The following HTRA1 variants were observed in gnomAD, a reference collection of about 807,000 sequenced individuals.
HTRA1 encodes the protein serine protease HTRA1.
A neutral mutation model predicts 49.7 loss-of-function variants in HTRA1; 26 were observed. That is an observed-to-expected ratio of 0.52 (90% CI 0.38 to 0.73). The LOEUF is 0.73. Ranked by LOEUF, HTRA1 falls within the 30% of genes least tolerant of loss-of-function variation. The pLI, the probability that HTRA1 is intolerant of heterozygous loss-of-function variation, is 0.00. For missense variants in HTRA1, 561 were observed against 667.2 expected (o/e 0.84, Z 1.75); for synonymous variants, 291 against 286.9 (o/e 1.01, Z -0.14).
chr10:122,496,403 C>T (rs896162080), intron 3 of HTRA1, among the ~76,000 whole-genome samples: 4 of 151,634 alleles, frequency 2.6e-5, no homozygotes, highest in African/African-American at 4.9e-5. Context: ...ATGGATCTTT[C>T]GAGGTCTAGT....
At chr10:122,471,521 C>T (rs1032509122) in intron 1 of HTRA1, among the ~76,000 whole-genome samples, 10 of 152,250 alleles carry the variant, frequency 6.6e-5, no homozygotes, top group African/African-American at 1.9e-4. Context: ...ATGAAGGACA[C>T]CACTTTACCT....
At chr10:122,466,361 G>C (rs942704355) in intron 1 of HTRA1, among the ~76,000 whole-genome samples, 3 of 152,100 alleles carry the variant, frequency 2.0e-5, no homozygotes, top group African/African-American at 4.8e-5. Context: ...TAGAGACGGG[G>C]TTTCACCGTG....
chr10:122,502,496 G>A (rs1305416876), intron 3 of HTRA1, among the ~76,000 whole-genome samples: 1 of 152,192 alleles, frequency 6.6e-6, no homozygotes, highest in Middle Eastern at 3.2e-3. Flanking sequence ...CACCCTCACT[G>A]GATCTGTTTC....
intron 5 of HTRA1, among the ~76,000 whole-genome samples, chr10:122,508,345 C>G (rs1029645861): frequency 1.3e-5 from 2 of 152,172 alleles, no homozygotes; most frequent in East Asian, 1.9e-4. Flanking sequence ...GGAGTTTGAG[C>G]CTTTGGAAAC....
In HTRA1 at chr10:122,490,824, C is replaced by T. The variant is rs556471502; in HGVS notation, c.777+1198C>T. Among the ~76,000 whole-genome samples, 1 of 152,316 alleles carries T rather than the reference C, an allele frequency of 6.6e-6. No homozygotes were observed. The highest frequency in any genetic ancestry group is 2.1e-4 in the South Asian group (1 of 4,826). ...TAGGATTCCGGGTCTCCTTCTCCGT[C>T]TTTTTATAACATCAAGTTGCTGCCC... is the stretch of plus-strand genomic sequence containing the variant. On this transcript the variant is annotated intron_variant, in intron 3 of 8. Coordinates refer to ENST00000368984, the MANE Select transcript of HTRA1 (RefSeq NM_002775.5). This position sits in a 1 kb window ranked among gnomAD's most constrained non-coding sequence, Gnocchi z 4.2.
rs1002606608 is a variant in HTRA1 at position 122,506,283 on chromosome 10, G to T, written c.778-408G>T. 2.0e-5 allele frequency among the ~76,000 whole-genome samples: 3 copies of T among 152,292 alleles called. No individual in the cohort carries two copies. The highest frequency in any genetic ancestry group is 6.5e-5 in the Admixed American group (1 of 15,298). On this transcript the variant is annotated intron_variant, in intron 3 of 8. Coordinates refer to ENST00000368984, the MANE Select transcript of HTRA1 (RefSeq NM_002775.5). The surrounding 1 kb of genome is among the most constrained non-coding windows in gnomAD (Gnocchi z 5.2). Reference sequence around the variant, plus strand: ...CTGTAGCTTGGGATCCTTCCCTGGGGCTTGGTTCTCTAGGGCCATCCCCAG... The same window carrying T: ...CTGTAGCTTGGGATCCTTCCCTGGGTCTTGGTTCTCTAGGGCCATCCCCAG...
intron 3 of HTRA1, among the ~76,000 whole-genome samples, chr10:122,505,059 C>T (rs1021534130): frequency 6.6e-6 from 1 of 152,248 alleles, no homozygotes; most frequent in Non-Finnish European, 1.5e-5. Context: ...CTAGATGGTG[C>T]TTACAGGAGC....
intron 1 of HTRA1, among the ~76,000 whole-genome samples, chr10:122,462,747 C>G (rs1033898094): frequency 3.9e-5 from 6 of 152,230 alleles, no homozygotes; most frequent in Non-Finnish European, 8.8e-5. Context: ...TTGCTTTCCT[C>G]GTTTTGAGCC....
intron 3 of HTRA1, among the ~76,000 whole-genome samples, chr10:122,492,419 C>T (rs2097496296): frequency 6.6e-6 from 1 of 152,184 alleles, no homozygotes; most frequent in Non-Finnish European, 1.5e-5. Context: ...CTGCAACCTC[C>T]ACCTCCAGGA....
rs145671034 is a variant in HTRA1 at position 122,471,395 on chromosome 10, A to G, written c.472+9271A>G. Among the ~76,000 whole-genome samples, 154 of 152,260 alleles carry G rather than the reference A, an allele frequency of 1.0e-3. 1 individual carries two copies. Among genetic ancestry groups the G allele is most frequent in the Admixed American group, 2.9e-3 (45 of 15,296 alleles). ...GTCATTTACAGTCTGTTCCCATGGA[A>G]TTCTCATCATTGGCCAAACATATAG... On this transcript the variant is annotated intron_variant, in intron 1 of 8. Transcript: ENST00000368984.
Position 122,506,828 on chromosome 10 carries a change from A to G in HTRA1, c.915A>G (p.Lys305=). ...TGAGCACCACCCAGCGAGGCGGCAA[A>G]GAGCTGGGGCTCCGCAACTCAGACA... ...GIVSTTQRGG[K]ELGLRNSDMD... Residue 305 remains lysine, a synonymous_variant, in exon 4 of 9, where the codon AAA becomes AAG. Coordinates refer to ENST00000368984, the MANE Select transcript of HTRA1 (RefSeq NM_002775.5). The surrounding 1 kb of genome is among the most constrained non-coding windows in gnomAD (Gnocchi z 5.2). The G allele has an allele frequency of 6.2e-7, 1 of 1,613,832 alleles. No individual in the cohort carries two copies. Among genetic ancestry groups the G allele is most frequent in the Non-Finnish European group, 8.5e-7 (1 of 1,179,996 alleles).
chr10:122,462,746 T>C (rs969080746), intron 1 of HTRA1, among the ~76,000 whole-genome samples: 1 of 152,252 alleles, frequency 6.6e-6, no homozygotes, highest in South Asian at 2.1e-4. Flanking sequence ...CTTGCTTTCC[T>C]CGTTTTGAGC....
intron 6 of HTRA1, among the ~76,000 whole-genome samples, chr10:122,509,485 C>G (rs2133451404): frequency 6.6e-6 from 1 of 152,296 alleles, no homozygotes; most frequent in South Asian, 2.1e-4. Flanking sequence ...TGAGTGAGCA[C>G]AAGGCCCCTG....
In HTRA1 at chr10:122,489,407, T is replaced by C; in HGVS notation, c.573-15T>C. The C allele has an allele frequency of 2.5e-6, 4 of 1,613,196 alleles. No individual in the cohort carries two copies. In the East Asian group the frequency reaches 8.9e-5, roughly 36 times the overall value. On this transcript the variant is annotated splice_polypyrimidine_tract_variant and intron_variant, in intron 2 of 8. Coordinates refer to ENST00000368984, the MANE Select transcript of HTRA1 (RefSeq NM_002775.5). ...AGGTGCTACAGGCTTAAGTGTGTAC[T>C]CCTTTGGATTTTAGGCTTCCGTTTT...
chr10:122,512,353 G>A (rs1218735770), intron 8 of HTRA1, among the ~76,000 whole-genome samples: 1 of 152,176 alleles, frequency 6.6e-6, no homozygotes, highest in Non-Finnish European at 1.5e-5. Context: ...AGATGGCCCG[G>A]CTGGCCAGAG....
At chr10:122,468,471 G>A (rs111944833) in intron 1 of HTRA1, among the ~76,000 whole-genome samples, 1 of 151,254 alleles carries the variant, frequency 6.6e-6, no homozygotes, top group Admixed American at 6.6e-5. Flanking sequence ...GGAGTCAGCT[G>A]TGTGGGAGGA....
rs141442276 is a variant in HTRA1, at chr10:122,511,993, G to A, written c.1202G>A (p.Arg401Gln). The A allele has an allele frequency of 4.7e-5, 76 of 1,613,896 alleles. No individual in the cohort carries two copies. The highest frequency in any genetic ancestry group is 5.8e-5 in the Non-Finnish European group (68 of 1,179,916). The change falls in exon 8 of 9, where the codon CGG (arginine) becomes CAG (glutamine). Residue 401 changes from arginine to glutamine, a missense_variant. Physicochemically the swap from Arg to Gln is conservative, Grantham distance 43. Around this residue, in one of 3 missense-constraint regions of HTRA1, gnomAD observed 179 missense variants for 173.4 expected, o/e 1.03. Transcript: ENST00000368984. ...AGCAAAGCCAAAGAGCTGAAGGACC[G>A]GCACCGGGACTTCCCAGACGTGATC... Reference protein sequence around the residue: ...TSSKAKELKDRHRDFPDVISG... With the variant: ...TSSKAKELKDQHRDFPDVISG...
chr10:122,485,967 G>T (rs2268345), intron 1 of HTRA1, among the ~76,000 whole-genome samples: 31,624 of 152,118 alleles, frequency 0.21, 3,494 homozygotes, highest in South Asian at 0.42. Context: ...GGTGACATTC[G>T]CCAGGCTCTG....
In HTRA1 at chr10:122,464,946, G is replaced by A. The variant is rs191509095; in HGVS notation, c.472+2822G>A. Among the ~76,000 whole-genome samples, 10 of 152,278 alleles carry A rather than the reference G, an allele frequency of 6.6e-5. No homozygotes were observed. Among genetic ancestry groups the A allele is most frequent in the East Asian group, 5.8e-4 (3 of 5,176 alleles). On this transcript the variant is annotated intron_variant, in intron 1 of 8. Coordinates refer to ENST00000368984, the MANE Select transcript of HTRA1 (RefSeq NM_002775.5). This position sits in a 1 kb window ranked among gnomAD's most constrained non-coding sequence, Gnocchi z 4.8. ...GAGACAGAGCTCTCGAGGCAGGAGC[G>A]GGTGCTGCGATTTCAAATATTATAA... is the stretch of plus-strand genomic sequence containing the variant.
Sources: gnomAD v4.1 joint callset for allele counts (sites outside exome capture counted in the v4.1 genomes callset) on GRCh38, gnomAD v4.1.1 for gene constraint, gnomAD v4.1.1 regional missense constraint, Gnocchi (gnomAD v3.1) non-coding constraint, MANE v1.5 for transcripts, NCBI Gene and HGNC (gene_info 2026-07-23, HGNC 2026-07-21) for gene names.